Variants in MPP2 observed in about 807,000 individuals in gnomAD.
MPP2 encodes MAGUK p55 scaffold protein 2.
MPP2 carries 42 observed loss-of-function variants against 58.5 expected under a neutral mutation model. The observed-to-expected ratio is 0.72, with a 90% confidence interval of 0.56 to 0.93. The LOEUF (loss-of-function observed/expected upper bound fraction) is 0.93, where lower values mean the gene tolerates loss of function less well. Among genes scored for constraint, MPP2 ranks in the 40% least tolerant of loss-of-function variants. MPP2 has a pLI of 0.00. For synonymous variants in MPP2, 300 were observed against 307.8 expected, an observed-to-expected ratio of 0.97 and a Z score of 0.26; for missense variants, 632 against 760.4, an observed-to-expected ratio of 0.83 and a Z score of 1.99.
chr17:43,895,297 A>G (rs545783398), intron 3 of MPP2, among the ~76,000 whole-genome samples: 121 of 152,076 alleles, frequency 8.0e-4, no homozygotes, highest in African/African-American at 2.8e-3. Context: ...TTTTTTATAG[A>G]GACAGGATTT....
At chr17:43,884,061 G>A in intron 3 of MPP2, 1 of 699,702 alleles carries the variant, frequency 1.4e-6, no homozygotes, top group East Asian at 2.7e-5. Flanking sequence ...AAAGATCATT[G>A]CAGACAACAC....
At position 43,881,308 on chromosome 17, in the gene MPP2, G is replaced by T. The variant is rs2047106532; in HGVS notation, c.855C>A (p.Ser285Arg). The T allele has an allele frequency of 5.6e-6, 9 of 1,613,978 alleles. No individual in the cohort carries two copies. The highest frequency in any genetic ancestry group is 7.6e-6 in the Non-Finnish European group (9 of 1,180,016). Residue 285 changes from serine (S) to arginine (R), a missense_variant, in exon 8 of 13, where the codon AGC becomes AGA. Transcript: ENST00000269095. The part of the protein sequence containing the change: ...VEGGSAGLIP[S>R]QLLEEKRKAF... ...CTTTCCGCTTCTCCTCCAGCAGCTG[G>T]CTGGGAATGAGCCCAGCACTGCCCC...
At chr17:43,896,501 A>T (rs1360871094) in intron 3 of MPP2, among the ~76,000 whole-genome samples, 2 of 134,760 alleles carry the variant, frequency 1.5e-5, no homozygotes, top group Non-Finnish European at 3.3e-5. Flanking sequence ...TCAGAGAGCC[A>T]CCGAGCCTTC....
intron 3 of MPP2, among the ~76,000 whole-genome samples, chr17:43,890,112 G>T (rs2047544295): frequency 6.6e-6 from 1 of 151,932 alleles, no homozygotes; most frequent in Admixed American, 6.6e-5. Context: ...GCACCCGGCC[G>T]TATTTTCTAT....
Position 43,879,842 on chromosome 17 carries a change from A to C in MPP2, c.1293T>G (p.Ile431Met), listed in dbSNP as rs2047024572. 4 of 1,614,030 alleles carry C rather than the reference A, an allele frequency of 2.5e-6. No homozygotes were observed. Among genetic ancestry groups the C allele is most frequent in the Non-Finnish European group, 3.4e-6 (4 of 1,179,970 alleles). The change falls in exon 11 of 13, where the codon ATT becomes ATG. Residue 431 changes from isoleucine to methionine, a missense_variant. Transcript: ENST00000269095. This position sits in a 1 kb window ranked among gnomAD's most constrained non-coding sequence, Gnocchi z 4.1. ...CAGCGACCACGCCCCGGATGGAGTC[A>C]ATACGTGTGCCATACAGGTTGCCCT... ...EYEGNLYGTR[I>M]DSIRGVVAAG... is the part of the protein sequence containing the mutation.
intron 2 of MPP2, among the ~76,000 whole-genome samples, chr17:43,901,048 C>G (rs2048077097): frequency 1.3e-5 from 2 of 152,274 alleles, no homozygotes; most frequent in East Asian, 1.9e-4. Context: ...TGCCCTCTGA[C>G]CTCTGCTCTC....
Position 43,898,285 on chromosome 17 carries a change from G to A in MPP2, c.127C>T (p.Pro43Ser). 1 of 1,614,126 alleles carries A rather than the reference G, an allele frequency of 6.2e-7. No individual in the cohort carries two copies. Among genetic ancestry groups the A allele is most frequent in the Non-Finnish European group, 8.5e-7 (1 of 1,179,976 alleles). The change falls in exon 3 of 13, where the codon CCC becomes TCC. Residue 43 changes from proline to serine, a missense_variant. Physicochemically the swap from Pro to Ser is moderately conservative, Grantham distance 74. Transcript: ENST00000269095. ...ACCTTGGCCAGGGATCTTACTATGG[G>A]ACTTTCCATAATGCCTCGAAGGAAG... Reference protein sequence around the residue: ...LIFLRGIMESPIVRSLAKAHE... With the variant: ...LIFLRGIMESSIVRSLAKAHE...
At chr17:43,906,794 C>A (rs977971916) in intron 1 of MPP2, among the ~76,000 whole-genome samples, 1 of 152,058 alleles carries the variant, frequency 6.6e-6, no homozygotes, top group African/African-American at 2.4e-5. Flanking sequence ...GCGCGCCCGC[C>A]GGAGACCAGG....
chr17:43,907,419 AAAG>A (rs2143820242), intron 1 of MPP2, 52 bp downstream of exon 1: 1 of 985,552 alleles, frequency 1.0e-6, no homozygotes, highest in East Asian at 1.1e-4. Context: ...GTCAGGACGA[AAAG>A]AAGGCGGAGG....
intron 1 of MPP2, chr17:43,906,233 G>C: frequency 1.3e-6 from 1 of 769,308 alleles, no homozygotes; most frequent in African/African-American, 1.9e-5. Context: ...GCCTGCCTGG[G>C]TTTTCTCCCG....
At position 43,907,528 on chromosome 17, in the gene MPP2, G is replaced by C; in HGVS notation, c.-88C>G. ...CGGCTCCAGCGCAGCCGGGCGCTCA[G>C]CGTTTATTGCTTGTCAATCGCTAGC... On this transcript the variant is annotated 5_prime_UTR_variant, in exon 1 of 13. Transcript: ENST00000269095. The C allele has an allele frequency of 1.0e-6, 1 of 985,528 alleles. No homozygotes were observed. Among genetic ancestry groups the C allele is most frequent in the Non-Finnish European group, 1.2e-6 (1 of 829,976 alleles). The allele number at this position is 985,528 out of a possible 1,614,324, so 61.0% of individuals were successfully genotyped here.
intron 3 of MPP2, among the ~76,000 whole-genome samples, chr17:43,891,285 C>T (rs2047594689): frequency 6.6e-6 from 1 of 152,066 alleles, no homozygotes; most frequent in East Asian, 1.9e-4. Context: ...GGGAGGAGGC[C>T]GAGGTGGGTG....
chr17:43,909,359 C>A (rs961144757), upstream of MPP2, among the ~76,000 whole-genome samples: 2 of 152,186 alleles, frequency 1.3e-5, no homozygotes, highest in Admixed American at 6.5e-5. Flanking sequence ...AGCCACTGCA[C>A]CCGGCCTAGA....
At position 43,876,605 on chromosome 17, in the gene MPP2, C is replaced by T. The variant is rs1236387883; in HGVS notation, c.*1202G>A. The T allele has an allele frequency of 6.6e-6, 1 of 152,364 alleles. No individual in the cohort carries two copies. The allele number at this position is 152,364 out of a possible 1,614,324, so 9.4% of individuals were successfully genotyped here. A position where few individuals can be genotyped will look rare whatever the true frequency, so the allele number is the denominator to read the frequency against. ...GGGCCCCAAAGAGTGACCTCCAAAACAAAACCCTTTGCTTCCTCCCCAAAT... is the reference window on the plus strand; with the variant it reads ...GGGCCCCAAAGAGTGACCTCCAAAATAAAACCCTTTGCTTCCTCCCCAAAT... On this transcript the variant is annotated 3_prime_UTR_variant, in exon 13 of 13. Coordinates refer to ENST00000269095, the MANE Select transcript of MPP2 (RefSeq NM_005374.5).
At position 43,878,105 on chromosome 17, in the gene MPP2, G is replaced by T. The variant is rs1744928031; in HGVS notation, c.1483-122C>A. ...GCCCAACCCTGGTGTGGACTCCCTG[G>T]CTAGGGAGGCAGGGGCCCCTCTCTG... On this transcript the variant is annotated intron_variant, in intron 12 of 12. Coordinates refer to ENST00000269095, the MANE Select transcript of MPP2 (RefSeq NM_005374.5). 3 of 1,112,160 alleles carry T rather than the reference G, an allele frequency of 2.7e-6. No homozygotes were observed. In the South Asian group the frequency reaches 4.9e-5, roughly 18 times the overall value. 68.9% of individuals were successfully genotyped at this position (1,112,160 alleles called of 1,614,324 possible). A position where few individuals can be genotyped will look rare whatever the true frequency, so the allele number is the denominator to read the frequency against.
chr17:43,885,214 AT>A (rs944414261), intron 3 of MPP2, among the ~76,000 whole-genome samples: 41 of 151,570 alleles, frequency 2.7e-4, no homozygotes, highest in African/African-American at 9.2e-4. Flanking sequence ...ATCACTATGA[AT>A]TTTTTTTATT....
chr17:43,897,798 C>T (rs969029373), intron 3 of MPP2, among the ~76,000 whole-genome samples: 1 of 152,228 alleles, frequency 6.6e-6, no homozygotes, highest in Non-Finnish European at 1.5e-5. Context: ...GGGTTAGACA[C>T]CTGTCCTTTA....
intron 2 of MPP2, chr17:43,901,709 G>A (rs1266988839): frequency 7.6e-6 from 4 of 523,750 alleles, no homozygotes; most frequent in Admixed American, 1.3e-4. Context: ...TCTGGTGACA[G>A]GGGAAGAGGG....
intron 3 of MPP2, among the ~76,000 whole-genome samples, chr17:43,886,405 A>G (rs911673514): frequency 5.9e-5 from 9 of 152,016 alleles, no homozygotes; most frequent in Admixed American, 5.9e-4. Flanking sequence ...ATGAACCACC[A>G]TGCCCATCTT....
Sources: allele counts gnomAD v4.1 joint callset (sites outside exome capture counted in the v4.1 genomes callset), GRCh38; gene constraint gnomAD v4.1.1; non-coding constraint Gnocchi (gnomAD v3.1); transcripts MANE v1.5; gene names NCBI Gene and HGNC (gene_info 2026-07-23, HGNC 2026-07-21).